POU6F2: variants seen among roughly 807,000 people sequenced by gnomAD.
POU6F2 encodes POU domain, class 6, transcription factor 2.
A neutral mutation model predicts 71.3 loss-of-function variants in POU6F2; 31 were observed. The observed-to-expected ratio is 0.43, with a 90% CI of 0.33 to 0.59. The LOEUF (loss-of-function observed/expected upper bound fraction) is 0.59, where lower values mean the gene tolerates loss of function less well. POU6F2 is among the 20% of genes least tolerant of loss of function. POU6F2 has a pLI of 0.04. For missense variants in POU6F2, 783 were observed against 856.8 expected (o/e 0.91, Z 1.07); for synonymous variants, 347 against 355.7 (o/e 0.98, Z 0.27).
intron 7 of POU6F2, among the ~76,000 whole-genome samples, chr7:39,440,306 C>T (rs1279095428): frequency 6.6e-6 from 1 of 152,198 alleles, no homozygotes; most frequent in Non-Finnish European, 1.5e-5. Context: ...CTCCCTATCT[C>T]ATTCTGGTAC....
intron 4 of POU6F2, among the ~76,000 whole-genome samples, chr7:39,298,806 C>T (rs941542469): frequency 1.3e-5 from 2 of 152,090 alleles, no homozygotes; most frequent in South Asian, 2.1e-4. Flanking sequence ...ACATATACAC[C>T]GTGGAATACT....
Position 39,116,842 on chromosome 7 carries a change from C to T in POU6F2, c.277+30811C>T, listed in dbSNP as rs372852036. 2.0e-5 allele frequency among the ~76,000 whole-genome samples: 3 copies of T among 152,028 alleles called. No homozygotes were observed. In the South Asian group the frequency reaches 6.2e-4, roughly 32 times the overall value. ...ACCAAGATTTTTGTCTTTACACTTCCCAAGAGTAAAATTGCACATCACTTT... is the reference window on the plus strand; with the variant it reads ...ACCAAGATTTTTGTCTTTACACTTCTCAAGAGTAAAATTGCACATCACTTT... On this transcript the variant is annotated intron_variant, in intron 2 of 9. Transcript: ENST00000518318.
chr7:39,174,263 A>C (rs1375569414), intron 2 of POU6F2, among the ~76,000 whole-genome samples: 1 of 152,232 alleles, frequency 6.6e-6, no homozygotes, highest in Non-Finnish European at 1.5e-5. Context: ...ACCAACAGGC[A>C]GGCTGTCTTC....
chr7:39,433,320 C>T lies in POU6F2; in HGVS notation c.1320+37C>T, dbSNP rs12111665. ...AGGCCAAGGCAGCCATGGCACAGGA[C>T]ACTGTCCTTACCCAGCTTCTCCTCT... On this transcript the variant is annotated intron_variant, in intron 7 of 9. Coordinates refer to ENST00000518318, the MANE Select transcript of POU6F2 (RefSeq NM_001370959.1). 15,723 of 1,608,652 alleles carry T rather than the reference C, an allele frequency of 9.8e-3. 631 individuals carry two copies. In the African/African-American group the frequency reaches 0.11, roughly 11 times the overall value.
chr7:39,075,138 G>A (rs1256443790), intron 1 of POU6F2, among the ~76,000 whole-genome samples: 2 of 152,082 alleles, frequency 1.3e-5, no homozygotes, highest in African/African-American at 4.8e-5. Context: ...CATCTCTTTG[G>A]AGCTAGACCA....
Position 39,464,021 on chromosome 7 carries a change from G to T in POU6F2, c.1659-161G>T, listed in dbSNP as rs558081141. On this transcript the variant is annotated intron_variant, in intron 9 of 9. Coordinates refer to ENST00000518318, the MANE Select transcript of POU6F2 (RefSeq NM_001370959.1). This position sits in a 1 kb window ranked among gnomAD's most constrained non-coding sequence, Gnocchi z 4.1. Reference sequence around the variant, plus strand: ...GTTTGCATGGTCTGGCATGGAGCACGCTGGGAGGGTGGGCGCTGGCTTGGG... The same window carrying T: ...GTTTGCATGGTCTGGCATGGAGCACTCTGGGAGGGTGGGCGCTGGCTTGGG... 1.3e-5 allele frequency among the ~76,000 whole-genome samples: 2 copies of T among 152,182 alleles called. No individual in the cohort carries two copies. The highest frequency in any genetic ancestry group is 4.8e-5 in the African/African-American group (2 of 41,446).
At chr7:39,054,132 T>A (rs1027346085) in intron 1 of POU6F2, among the ~76,000 whole-genome samples, 2 of 152,086 alleles carry the variant, frequency 1.3e-5, no homozygotes, top group South Asian at 2.1e-4. Context: ...AAAAGAAATT[T>A]AAAAAAATCT....
intron 7 of POU6F2, among the ~76,000 whole-genome samples, chr7:39,436,852 A>G (rs1788256621): frequency 6.6e-6 from 1 of 152,238 alleles, no homozygotes; most frequent in Non-Finnish European, 1.5e-5. Flanking sequence ...AATTTTATCA[A>G]AGGCTTTTTG....
intron 4 of POU6F2, among the ~76,000 whole-genome samples, chr7:39,264,105 G>A (rs1007476848): frequency 4.6e-5 from 7 of 152,188 alleles, no homozygotes; most frequent in African/African-American, 1.7e-4. Flanking sequence ...CAGCATGGTG[G>A]TGAGGACCAT....
At chr7:39,361,354 G>A (rs1346105918) in intron 5 of POU6F2, among the ~76,000 whole-genome samples, 1 of 152,242 alleles carries the variant, frequency 6.6e-6, no homozygotes. Flanking sequence ...GTTTTCAGGA[G>A]AAGAGGCAAG....
In POU6F2 at chr7:39,271,677, C is replaced by A. The variant is rs570148666; in HGVS notation, c.598+64057C>A. 7.9e-5 allele frequency among the ~76,000 whole-genome samples: 12 copies of A among 152,274 alleles called. No individual in the cohort carries two copies. In the East Asian group the frequency reaches 1.9e-3, roughly 25 times the overall value. On this transcript the variant is annotated intron_variant, in intron 4 of 9. Coordinates refer to ENST00000518318, the MANE Select transcript of POU6F2 (RefSeq NM_001370959.1). ...AATTCCCGTCTCGTGGCTGAGCAAA[C>A]CTGCTCGATGTGCCACAACTTTCCG... is the stretch of plus-strand genomic sequence containing the variant.
chr7:39,418,417 C>T (rs918319534), intron 6 of POU6F2, among the ~76,000 whole-genome samples: 3 of 152,252 alleles, frequency 2.0e-5, no homozygotes, highest in Non-Finnish European at 4.4e-5. Context: ...AGGTCAGGCA[C>T]GGTGGCTCAC....
chr7:39,433,119 A>G lies in POU6F2; in HGVS notation c.1156A>G (p.Ser386Gly). 6.2e-7 allele frequency: 1 copy of G among 1,613,590 alleles called. No homozygotes were observed. The highest frequency in any genetic ancestry group is 2.2e-5 in the East Asian group (1 of 44,802). ...IPLMPNPGPSSQAASGTQGLQ... is the reference protein window; with the variant it reads ...IPLMPNPGPSGQAASGTQGLQ... ...ACTGATGCCTAATCCAGGGCCATCG[A>G]GCCAAGCAGCAAGCGGCACTCAGGG... is the stretch of plus-strand genomic sequence containing the variant. The change falls in exon 7 of 10, where the codon AGC (serine) becomes GGC (glycine). Residue 386 changes from serine to glycine, a missense_variant. By Grantham distance (56) the Ser-to-Gly change is moderately conservative (BLOSUM62 0). Transcript: ENST00000518318.
chr7:39,406,025 AGCACG>A (rs1787419305), intron 5 of POU6F2: 1 of 153,604 alleles, frequency 6.5e-6, no homozygotes, highest in Non-Finnish European at 1.4e-5. Context: ...ACCCTCTGAG[AGCACG>A]GAGGCCATAA....
At chr7:39,196,008 G>T (rs1793780900) in intron 2 of POU6F2, among the ~76,000 whole-genome samples, 1 of 152,146 alleles carries the variant, frequency 6.6e-6, no homozygotes, top group African/African-American at 2.4e-5. Flanking sequence ...CACATTTAAA[G>T]CCAGCTCTTG....
intron 4 of POU6F2, among the ~76,000 whole-genome samples, chr7:39,329,726 T>C (rs1310559983): frequency 1.3e-5 from 2 of 152,146 alleles, no homozygotes; most frequent in African/African-American, 4.8e-5. Flanking sequence ...GCTTGGCTTC[T>C]TGCCCTCCCA....
chr7:39,385,398 C>G (rs1257215944), intron 5 of POU6F2, among the ~76,000 whole-genome samples: 1 of 152,218 alleles, frequency 6.6e-6, no homozygotes, highest in Non-Finnish European at 1.5e-5. Context: ...GACATGGTCT[C>G]TGCTCCTGAG....
intron 4 of POU6F2, among the ~76,000 whole-genome samples, chr7:39,295,737 A>G (rs186747707): frequency 6.6e-6 from 1 of 152,390 alleles, no homozygotes; most frequent in Admixed American, 6.5e-5. Context: ...AATGATTTCT[A>G]CAAACTTCAT....
intron 8 of POU6F2, among the ~76,000 whole-genome samples, chr7:39,457,471 C>T (rs1342182024): frequency 6.6e-6 from 1 of 152,152 alleles, no homozygotes; most frequent in African/African-American, 2.4e-5. Context: ...CTCCGGAGCC[C>T]CTCCTCAACA....
Sources: gnomAD v4.1 joint callset for allele counts (sites outside exome capture counted in the v4.1 genomes callset) on GRCh38, gnomAD v4.1.1 for gene constraint, Gnocchi (gnomAD v3.1) non-coding constraint, MANE v1.5 for transcripts, NCBI Gene and HGNC (gene_info 2026-07-23, HGNC 2026-07-21) for gene names.